Variants in ERICH1 observed in about 807,000 individuals in gnomAD.
The protein encoded by ERICH1 is glutamate rich 1.
A neutral mutation model predicts 39.6 loss-of-function variants in ERICH1; 56 were observed. The ratio of observed to expected loss-of-function variants is 1.41; its 90% confidence interval spans 1.14 to 1.77. ERICH1 has a LOEUF of 1.77. Ranked by LOEUF, ERICH1 falls within the 40% of genes most tolerant of loss-of-function variation. The pLI is 0.00. For missense variants in ERICH1, 826 were observed against 575.4 expected, an observed-to-expected ratio of 1.44 and a Z score of -4.45; for synonymous variants, 313 against 223.6, an observed-to-expected ratio of 1.40 and a Z score of -3.57.
intron 3 of ERICH1, among the ~76,000 whole-genome samples, chr8:632,072 T>C (rs1160193828): frequency 6.6e-6 from 1 of 152,186 alleles, no homozygotes; most frequent in African/African-American, 2.4e-5. Context: ...ACACAGGCTC[T>C]ACTCTCCGAC....
intron 3 of ERICH1, among the ~76,000 whole-genome samples, chr8:646,395 C>A (rs1373067413): frequency 1.5e-5 from 1 of 68,392 alleles, no homozygotes; most frequent in African/African-American, 3.7e-5. Flanking sequence ...TCAAGAGTAA[C>A]AATTTAAGTC....
intron 2 of ERICH1, among the ~76,000 whole-genome samples, chr8:696,802 A>C (rs796626033): frequency 0.07 from 716 of 10,276 alleles, no homozygotes; most frequent in Admixed American, 0.13. Flanking sequence ...CTCACCCTCC[A>C]CTCCTCTCCT....
rs113262325 is a variant in ERICH1 at position 638,081 on chromosome 8, G to A, written c.977-22797C>T. ...TAGGAGGTCCTGAGTCATTTACATC[G>A]GTGACCTGGGGCAGCAGTCAGGCTG... On this transcript the variant is annotated intron_variant, in intron 3 of 3. Coordinates refer to the ERICH1 transcript ENST00000522706. Among the ~76,000 whole-genome samples the A allele has an allele frequency of 3.3e-3, 500 of 152,306 alleles. 6 individuals carry two copies. Among genetic ancestry groups the A allele is most frequent in the African/African-American group, 0.011 (472 of 41,556 alleles).
Position 642,446 on chromosome 8 carries a change from G to T in ERICH1, c.976+26152C>A, listed in dbSNP as rs868504102. Among the ~76,000 whole-genome samples, 5 of 140,986 alleles carry T rather than the reference G, an allele frequency of 3.5e-5. No homozygotes were observed. In the East Asian group the frequency reaches 6.8e-4, roughly 19 times the overall value. 92.5% of individuals were successfully genotyped at this position (140,986 alleles called of 152,430 possible). A position where few individuals can be genotyped will look rare whatever the true frequency, so the allele number is the denominator to read the frequency against. On this transcript the variant is annotated intron_variant, in intron 3 of 3. Transcript: ENST00000522706. Reference sequence around the variant, plus strand: ...TGCAAGCTCCTCCTCCTGGGTTCACGCCATTCTCCTGCCTCAGCCTCCCAG... The same window carrying T: ...TGCAAGCTCCTCCTCCTGGGTTCACTCCATTCTCCTGCCTCAGCCTCCCAG...
At chr8:637,014 G>A (rs891157598) in intron 3 of ERICH1, among the ~76,000 whole-genome samples, 2 of 152,216 alleles carry the variant, frequency 1.3e-5, no homozygotes, top group African/African-American at 4.8e-5. Flanking sequence ...GATTGCAAAC[G>A]CACCGAAGGC....
chr8:688,882 C>CT (rs1358151335), intron 3 of ERICH1, among the ~76,000 whole-genome samples: 1 of 152,232 alleles, frequency 6.6e-6, no homozygotes, highest in Admixed American at 6.5e-5. Context: ...GCGCTGAACT[C>CT]TAAAGGGAAT....
intron 3 of ERICH1, among the ~76,000 whole-genome samples, chr8:683,514 C>G (rs917546688): frequency 2.6e-5 from 4 of 152,214 alleles, no homozygotes; most frequent in Non-Finnish European, 4.4e-5. Flanking sequence ...CTCGCTCTCT[C>G]TCTCTTAATA....
chr8:713,306 C>T (rs573501280), intron 2 of ERICH1, among the ~76,000 whole-genome samples: 1 of 152,358 alleles, frequency 6.6e-6, no homozygotes, highest in East Asian at 1.9e-4. Flanking sequence ...GAGCGCAATT[C>T]AGCCTATAAT....
chr8:685,314 T>C (rs1392215381), intron 3 of ERICH1, among the ~76,000 whole-genome samples: 1 of 152,240 alleles, frequency 6.6e-6, no homozygotes, highest in African/African-American at 2.4e-5. Flanking sequence ...TCAGACCTAA[T>C]GGTAATCTCC....
At chr8:710,696 G>T (rs1175381555) in intron 2 of ERICH1, among the ~76,000 whole-genome samples, 1 of 152,184 alleles carries the variant, frequency 6.6e-6, no homozygotes, top group Admixed American at 6.5e-5. Flanking sequence ...GTCTTTTCAT[G>T]GCTTGACAGT....
chr8:624,189 T>G (rs1797457298), intron 3 of ERICH1, among the ~76,000 whole-genome samples: 1 of 151,784 alleles, frequency 6.6e-6, no homozygotes, highest in Non-Finnish European at 1.5e-5. Flanking sequence ...GAAACCACAA[T>G]GAGACATCAG....
intron 2 of ERICH1, among the ~76,000 whole-genome samples, chr8:692,997 C>G (rs1167859896): frequency 6.6e-6 from 1 of 152,212 alleles, no homozygotes; most frequent in East Asian, 1.9e-4. Context: ...GGGGATTTCA[C>G]TGCACAGACT....
chr8:668,396 C>A (rs1585144211), intron 5 of ERICH1: 1 of 614,896 alleles, frequency 1.6e-6, no homozygotes, highest in Admixed American at 3.1e-5. Flanking sequence ...ACATGCATTT[C>A]TGCATATATT....
chr8:629,236 G>A (rs1416538985), intron 3 of ERICH1, among the ~76,000 whole-genome samples: 1 of 152,162 alleles, frequency 6.6e-6, no homozygotes, highest in African/African-American at 2.4e-5. Context: ...ATGGCCAACA[G>A]GCTACCCCAG....
chr8:684,941 C>T (rs1030235676), intron 3 of ERICH1, among the ~76,000 whole-genome samples: 22 of 152,240 alleles, frequency 1.4e-4, no homozygotes, highest in East Asian at 9.7e-4. Context: ...AAGGCCAGGG[C>T]GAAACTAGAA....
intron 3 of ERICH1, among the ~76,000 whole-genome samples, chr8:655,184 T>C (rs1476459910): frequency 6.6e-6 from 1 of 152,210 alleles, no homozygotes. Context: ...GCGTTTGATT[T>C]TGTTCTTCAG....
intron 3 of ERICH1, among the ~76,000 whole-genome samples, chr8:638,291 C>A (rs1483985718): frequency 6.6e-6 from 1 of 152,236 alleles, no homozygotes; most frequent in African/African-American, 2.4e-5. Flanking sequence ...TTCCAACATT[C>A]CTGGGGCTCG....
intron 3 of ERICH1, among the ~76,000 whole-genome samples, chr8:685,688 C>T (rs571221270): frequency 1.1e-4 from 17 of 152,282 alleles, no homozygotes; most frequent in South Asian, 6.2e-4. Flanking sequence ...CCGGTCCCTC[C>T]GTTCGGGGTC....
At chr8:668,995 G>C in intron 4 of ERICH1, 1 of 586,276 alleles carries the variant, frequency 1.7e-6, no homozygotes, top group African/African-American at 1.9e-5. Context: ...TGGAAACCTG[G>C]CCCGTCTACA....
Sources: allele counts gnomAD v4.1 joint callset (sites outside exome capture counted in the v4.1 genomes callset), GRCh38; gene constraint gnomAD v4.1.1; transcripts MANE v1.5; gene names NCBI Gene and HGNC (gene_info 2026-07-23, HGNC 2026-07-21).